SSH1: variants seen among roughly 807,000 people sequenced by gnomAD.
SSH1 encodes slingshot protein phosphatase 1, also known as protein phosphatase Slingshot homolog 1.
Under a neutral mutation model 79.7 loss-of-function variants are expected in SSH1, and 43 were observed. That is an observed-to-expected ratio of 0.54 (90% CI 0.42 to 0.70). The LOEUF (loss-of-function observed/expected upper bound fraction) is 0.70, where lower values mean the gene tolerates loss of function less well. SSH1 is among the 30% of genes least tolerant of loss of function. SSH1 has a pLI of 0.00. For missense variants in SSH1, 1,206 were observed against 1,358.8 expected (o/e 0.89, Z 1.77); for synonymous variants, 599 against 538.3 (o/e 1.11, Z -1.56).
intron 2 of SSH1, among the ~76,000 whole-genome samples, chr12:108,832,058 C>G (rs1331829415): frequency 1.3e-5 from 2 of 152,076 alleles, no homozygotes; most frequent in Non-Finnish European, 2.9e-5. Flanking sequence ...CTACATTTTT[C>G]CACTTAATTT....
chr12:108,857,548 C>T lies in SSH1; in HGVS notation c.-52G>A. ...CAGACGTCTCGAGCTAGAGCCGCCA[C>T]CGCCACCGCCGCCCGGGCCGGGCCC... On this transcript the variant is annotated 5_prime_UTR_variant, in exon 1 of 15. The change creates a new upstream start codon in the 5' untranslated region. Coordinates refer to ENST00000326495, the MANE Select transcript of SSH1 (RefSeq NM_018984.4). This position sits in a 1 kb window ranked among gnomAD's most constrained non-coding sequence, Gnocchi z 4.7. 1 of 1,002,404 alleles carries T rather than the reference C, an allele frequency of 1.0e-6. No homozygotes were observed. Among genetic ancestry groups the T allele is most frequent in the Non-Finnish European group, 1.2e-6 (1 of 834,760 alleles). 62.1% of individuals were successfully genotyped at this position (1,002,404 alleles called of 1,614,324 possible).
rs577769931 is a variant in SSH1 at position 108,790,318 on chromosome 12, T to C, written c.1894-1074A>G. ...GGCATGCACCACCACAGCCAGCTAATTTAATATTTTTAGTAGAGATGTGGT... is the reference window on the plus strand; with the variant it reads ...GGCATGCACCACCACAGCCAGCTAACTTAATATTTTTAGTAGAGATGTGGT... On this transcript the variant is annotated intron_variant, in intron 14 of 14. Coordinates refer to ENST00000326495, the MANE Select transcript of SSH1 (RefSeq NM_018984.4). Among the ~76,000 whole-genome samples, 6 of 152,268 alleles carry C rather than the reference T, an allele frequency of 3.9e-5. No homozygotes were observed. In the East Asian group the frequency reaches 1.2e-3, roughly 29 times the overall value.
chr12:108,808,735 T>G (rs971441249), intron 7 of SSH1, among the ~76,000 whole-genome samples: 3 of 151,474 alleles, frequency 2.0e-5, no homozygotes, highest in Non-Finnish European at 4.4e-5. Context: ...GTCATTTTAA[T>G]ATAGAAACTA....
chr12:108,795,383 G>C (rs1227062718), intron 13 of SSH1, among the ~76,000 whole-genome samples: 1 of 151,960 alleles, frequency 6.6e-6, no homozygotes, highest in African/African-American at 2.4e-5. Context: ...CTGAGTAGCT[G>C]AGATTACAGG....
rs2036141645 is a variant in SSH1, at chr12:108,781,100, C to A, written c.*6888G>T. The A allele has an allele frequency of 6.6e-6, 1 of 151,310 alleles. No individual in the cohort carries two copies. The highest frequency in any genetic ancestry group is 2.1e-4 in the South Asian group (1 of 4,802). The allele number at this position is 151,310 out of a possible 1,614,324, so 9.4% of individuals were successfully genotyped here. ...TTAATATTCAATAAGCAATTCTTAA[C>A]CAAAATTTGGCACCCCATAGAGATT... On this transcript the variant is annotated 3_prime_UTR_variant, in exon 15 of 15. Transcript: ENST00000326495.
intron 13 of SSH1, among the ~76,000 whole-genome samples, chr12:108,797,785 A>G (rs1387944283): frequency 6.6e-6 from 1 of 152,100 alleles, no homozygotes. Context: ...AATTCTCCAC[A>G]TTCACCATTC....
chr12:108,831,916 AC>A (rs2038482855), intron 2 of SSH1, among the ~76,000 whole-genome samples: 1 of 152,246 alleles, frequency 6.6e-6, no homozygotes, highest in African/African-American at 2.4e-5. Flanking sequence ...TAAGAAACAA[AC>A]CTCATGCTTG....
intron 2 of SSH1, among the ~76,000 whole-genome samples, chr12:108,842,171 A>G (rs1369721798): frequency 6.6e-6 from 1 of 152,206 alleles, no homozygotes; most frequent in African/African-American, 2.4e-5. Flanking sequence ...AATTGAAGGC[A>G]AATTCTGATT....
intron 2 of SSH1, among the ~76,000 whole-genome samples, chr12:108,849,520 G>C (rs972764922): frequency 3.3e-5 from 5 of 152,106 alleles, no homozygotes; most frequent in Admixed American, 6.5e-5. Flanking sequence ...TCACACCATT[G>C]CACTCCGGCC....
rs1398420730 is a variant in SSH1 at position 108,857,179 on chromosome 12, C to T, written c.69+249G>A. On this transcript the variant is annotated intron_variant, in intron 1 of 14. Coordinates refer to ENST00000326495, the MANE Select transcript of SSH1 (RefSeq NM_018984.4). The surrounding 1 kb of genome is among the most constrained non-coding windows in gnomAD (Gnocchi z 4.7). ...AGAGGGGTCGCACTGCATACACAGTCCCTGCAAAGTCGCCCCCCGATAGGG... is the reference window on the plus strand; with the variant it reads ...AGAGGGGTCGCACTGCATACACAGTTCCTGCAAAGTCGCCCCCCGATAGGG... Among the ~76,000 whole-genome samples the T allele has an allele frequency of 2.6e-5, 4 of 152,210 alleles. No individual in the cohort carries two copies.
chr12:108,802,231 C>T (rs1444131331), intron 11 of SSH1, 91 bp downstream of exon 11: 15 of 1,193,466 alleles, frequency 1.3e-5, no homozygotes, highest in Non-Finnish European at 1.6e-5. Flanking sequence ...CAATTACAGG[C>T]AGGCAGCCCC....
intron 13 of SSH1, among the ~76,000 whole-genome samples, chr12:108,794,808 C>T (rs560270981): frequency 1.8e-4 from 27 of 147,450 alleles, no homozygotes; most frequent in African/African-American, 6.4e-4. Flanking sequence ...TAAAGCTTTT[C>T]GGTTAAAATT....
intron 3 of SSH1, among the ~76,000 whole-genome samples, chr12:108,819,694 T>A (rs1198537393): frequency 1.3e-5 from 2 of 152,114 alleles, no homozygotes; most frequent in Non-Finnish European, 2.9e-5. Context: ...CTGGGCTTTC[T>A]GGTTCACATC....
At chr12:108,821,646 C>T (rs2038124499) in intron 3 of SSH1, among the ~76,000 whole-genome samples, 1 of 152,112 alleles carries the variant, frequency 6.6e-6, no homozygotes, top group South Asian at 2.1e-4. Context: ...AGTTGGAGAA[C>T]TAGGATCAGA....
intron 2 of SSH1, among the ~76,000 whole-genome samples, chr12:108,835,471 A>T (rs747480190): frequency 6.6e-6 from 1 of 152,186 alleles, no homozygotes; most frequent in East Asian, 1.9e-4. Flanking sequence ...ACTGAGGCTC[A>T]GGGAGGTTAA....
intron 1 of SSH1, chr12:108,852,904 G>T (rs767485728): frequency 1.0e-6 from 1 of 985,260 alleles, no homozygotes; most frequent in African/African-American, 1.7e-5. Context: ...CATTCCTGCC[G>T]CAGTCCAGGG....
intron 2 of SSH1, among the ~76,000 whole-genome samples, chr12:108,844,950 A>C (rs2038864550): frequency 1.3e-5 from 2 of 152,116 alleles, no homozygotes; most frequent in Admixed American, 6.5e-5. Context: ...CTCTACTAAA[A>C]ATACAAAAAT....
chr12:108,813,440 G>A (rs908615627), intron 5 of SSH1, among the ~76,000 whole-genome samples: 4 of 152,002 alleles, frequency 2.6e-5, no homozygotes, highest in Admixed American at 2.0e-4. Flanking sequence ...CTGCTCGGGT[G>A]TGGTGGCTCA....
At chr12:108,855,744 C>T (rs2039130909) in intron 1 of SSH1, among the ~76,000 whole-genome samples, 1 of 152,208 alleles carries the variant, frequency 6.6e-6, no homozygotes, top group Non-Finnish European at 1.5e-5. Context: ...GGCGCTCCTG[C>T]AACCTAACTT....
Sources: allele counts gnomAD v4.1 joint callset (sites outside exome capture counted in the v4.1 genomes callset), GRCh38; gene constraint gnomAD v4.1.1; non-coding constraint Gnocchi (gnomAD v3.1); transcripts MANE v1.5; gene names NCBI Gene and HGNC (gene_info 2026-07-23, HGNC 2026-07-21).